NBPF6: variants seen among roughly 807,000 people sequenced by gnomAD.
NBPF6 encodes NBPF member 6.
A neutral mutation model predicts 20.8 loss-of-function variants in NBPF6; 2 were observed. The ratio of observed to expected loss-of-function variants is 0.10; its 90% CI spans 0.04 to 0.30. The LOEUF is 0.30. Ranked by LOEUF, NBPF6 falls within the 10% of genes least tolerant of loss-of-function variation. NBPF6 has a pLI of 1.00. For synonymous variants in NBPF6, 24 were observed against 100.0 expected (o/e 0.24, Z 4.53); for missense variants, 85 against 260.3 (o/e 0.33, Z 4.63).
At chr1:108,441,516 A>G in the NBPF6 span, among the ~76,000 whole-genome samples, 4 of 7,232 alleles carry the variant, frequency 5.5e-4, no homozygotes, top group African/African-American at 6.2e-4. Flanking sequence ...CTGAAATAAA[A>G]AAAGAAAAAA....
intron 9 of NBPF6, among the ~76,000 whole-genome samples, chr1:108,459,524 C>A (rs575401840): frequency 4.0e-5 from 6 of 148,536 alleles, no homozygotes; most frequent in Non-Finnish European, 7.5e-5. Flanking sequence ...TGATGCCATG[C>A]GATTTCGGGG....
upstream of NBPF6, among the ~76,000 whole-genome samples, chr1:108,448,491 G>A (rs1434148632): frequency 7.1e-6 from 1 of 139,992 alleles, no homozygotes; most frequent in Non-Finnish European, 1.6e-5. Flanking sequence ...CTGAATTTCG[G>A]TCCCAATGCT....
chr1:108,448,002 T>C (rs1652670717), upstream of NBPF6, among the ~76,000 whole-genome samples: 1 of 146,512 alleles, frequency 6.8e-6, no homozygotes, highest in African/African-American at 2.5e-5. Context: ...AGTGCTTAGA[T>C]TATTCATTTT....
At chr1:108,470,428 T>C (rs1178849307) in intron 14 of NBPF6, among the ~76,000 whole-genome samples, 169 bp from the exon 15 acceptor site, 1 of 147,634 alleles carries the variant, frequency 6.8e-6, no homozygotes, top group Non-Finnish European at 1.5e-5. Flanking sequence ...TTCTTCTCAC[T>C]TGTGGATGGT....
At chr1:108,452,094 C>T (rs2101044897) in intron 2 of NBPF6, 96 bp from the exon 3 acceptor site, 2 of 150,354 alleles carry the variant, frequency 1.3e-5, no homozygotes, top group South Asian at 1.2e-4. Flanking sequence ...GAGCTGCTTT[C>T]GTCCTTGGGA....
chr1:108,447,222 CAG>C (rs1251303297), upstream of NBPF6, among the ~76,000 whole-genome samples: 3 of 74,332 alleles, frequency 4.0e-5, no homozygotes, highest in Non-Finnish European at 5.8e-5. Context: ...CTGAGTACGG[CAG>C]AGACAGGAGC....
At chr1:108,429,580 A>G in the NBPF6 span, among the ~76,000 whole-genome samples, 1 of 146,384 alleles carries the variant, frequency 6.8e-6, no homozygotes, top group African/African-American at 2.5e-5. Context: ...ATTTCATTAT[A>G]TACCCAGGAG....
At chr1:108,468,104 C>A (rs1653246999) in intron 14 of NBPF6, among the ~76,000 whole-genome samples, 1 of 151,258 alleles carries the variant, frequency 6.6e-6, no homozygotes, top group Admixed American at 6.6e-5. Context: ...CCTCTTGAGT[C>A]TTCTTTTGAG....
upstream of NBPF6, among the ~76,000 whole-genome samples, chr1:108,448,557 T>C (rs1652708335): frequency 8.5e-6 from 1 of 117,478 alleles, no homozygotes; most frequent in African/African-American, 3.1e-5. Flanking sequence ...GCTATTCCCA[T>C]GACTCATTCT....
chr1:108,441,689 G>A, the NBPF6 span, among the ~76,000 whole-genome samples: 2 of 77,126 alleles, frequency 2.6e-5, no homozygotes, highest in Admixed American at 1.3e-4. Context: ...AAAAAAAACT[G>A]GAAGAAATGG....
chr1:108,470,797 T>C lies in NBPF6; in HGVS notation c.*159T>C. ...CTTCAAGCCACTATGCTCCTTTGAT[T>C]TGAGAAGCCACATTCCATCCCCCTC... On this transcript the variant is annotated 3_prime_UTR_variant, in exon 15 of 15. Transcript: ENST00000495380. The C allele has an allele frequency of 3.9e-6, 2 of 513,528 alleles. No individual in the cohort carries two copies. The highest frequency in any genetic ancestry group is 3.6e-6 in the Non-Finnish European group (1 of 280,234). The allele number at this position is 513,528 out of a possible 1,614,324, so 31.8% of individuals were successfully genotyped here.
chr1:108,468,105 T>C (rs61482870), intron 14 of NBPF6, among the ~76,000 whole-genome samples: 18,297 of 150,328 alleles, frequency 0.12, 1,926 homozygotes, highest in African/African-American at 0.29. Flanking sequence ...CTCTTGAGTC[T>C]TCTTTTGAGC....
At chr1:108,448,153 G>C (rs1365366761), upstream of NBPF6, among the ~76,000 whole-genome samples, 1 of 145,274 alleles carries the variant, frequency 6.9e-6, no homozygotes, top group Non-Finnish European at 1.5e-5. Context: ...GAAGAGGACT[G>C]GATCAATCCC....
chr1:108,459,767 A>G (rs1362785626), intron 9 of NBPF6, among the ~76,000 whole-genome samples, 166 bp from the exon 10 acceptor site: 1 of 34,554 alleles, frequency 2.9e-5, no homozygotes, highest in Admixed American at 2.5e-4. Context: ...CTGTATTGCA[A>G]CCTACCCATG....
rs559934398 is a variant in NBPF6 at position 108,471,277 on chromosome 1, C to G, written c.*639C>G. ...CTTGTTTGTGGAGGACGGGTCAGCT[C>G]TCTGGCTCAATGGTCTACATTCTGA... On this transcript the variant is annotated 3_prime_UTR_variant, in exon 15 of 15. Transcript: ENST00000495380. Among the ~76,000 whole-genome samples the G allele has an allele frequency of 1.2e-4, 18 of 152,310 alleles. No individual in the cohort carries two copies. The highest frequency in any genetic ancestry group is 2.6e-4 in the Admixed American group (4 of 15,302).
rs1653411374 is a variant in NBPF6 at position 108,470,637 on chromosome 1, G to A, written c.1916G>A (p.Ter639=). 1.9e-5 allele frequency: 30 copies of A among 1,557,588 alleles called. 1 individual carries two copies. In the East Asian group the frequency reaches 7.0e-4, roughly 37 times the overall value. Residue 639 remains the stop codon, a stop_retained_variant, in exon 15 of 15, where the codon TGA becomes TAA. Coordinates refer to ENST00000495380, the MANE Select transcript of NBPF6 (RefSeq NM_001143988.2). ...TAERMQRMIG[*] ...GAAAGGATGCAAAGGATGATAGGAT[G>A]AAAGAATGTCACAAAAAGCAGCTTT...
At chr1:108,448,497 A>G (rs2994478), upstream of NBPF6, among the ~76,000 whole-genome samples, 2 of 138,764 alleles carry the variant, frequency 1.4e-5, no homozygotes, top group South Asian at 2.2e-4. Flanking sequence ...TTCGGTCCCA[A>G]TGCTGAAGGA....
chr1:108,452,987 T>TGTGG (rs1652928997), intron 3 of NBPF6, among the ~76,000 whole-genome samples, 194 bp from the exon 4 acceptor site: 1 of 58,400 alleles, frequency 1.7e-5, no homozygotes, highest in Admixed American at 1.5e-4. Flanking sequence ...TGTTTGTGTG[T>TGTGG]GTGTGTGTGT....
At chr1:108,452,998 GTGTGTGTGTGTATA>G (rs1253391021) in intron 3 of NBPF6, among the ~76,000 whole-genome samples, 169 bp from the exon 4 acceptor site, 1 of 64,010 alleles carries the variant, frequency 1.6e-5, no homozygotes, top group Non-Finnish European at 3.8e-5. Flanking sequence ...GTGTGTGTGT[GTGTGTGTGTGTATA>G]TATATATATA....
Sources: gnomAD v4.1 joint callset for allele counts (sites outside exome capture counted in the v4.1 genomes callset) on GRCh38, gnomAD v4.1.1 for gene constraint, MANE v1.5 for transcripts, NCBI Gene and HGNC (gene_info 2026-07-23, HGNC 2026-07-21) for gene names.